The following SBF1 variants were observed in gnomAD, a reference collection of about 807,000 sequenced individuals.
The protein encoded by SBF1 is myotubularin-related protein 5.
Under a neutral mutation model 215.8 loss-of-function variants are expected in SBF1, and 65 were observed. The observed-to-expected ratio is 0.30, with a 90% CI of 0.25 to 0.37. SBF1 has a LOEUF of 0.37. Among genes scored for constraint, SBF1 ranks in the 10% least tolerant of loss-of-function variants. The probability of loss-of-function intolerance (pLI) is 1.00; values close to 1 mark genes in which losing one functional copy is unlikely to be tolerated. For missense variants in SBF1, 2,634 were observed against 2,667.8 expected, an observed-to-expected ratio of 0.99 and a Z score of 0.28; for synonymous variants, 1,410 against 1,122.8, an observed-to-expected ratio of 1.26 and a Z score of -5.11.
chr22:50,457,956 A>G (rs4824148), intron 28 of SBF1, among the ~76,000 whole-genome samples: 90,351 of 151,968 alleles, frequency 0.59, 27,148 homozygotes, highest in African/African-American at 0.62. Flanking sequence ...GTGAGGACGC[A>G]GCACCAGCCT....
chr22:50,448,704 C>A, intron 36 of SBF1, 54 bp from the exon 37 acceptor site: 5 of 1,396,476 alleles, frequency 3.6e-6, no homozygotes, highest in Non-Finnish European at 5.0e-6. Flanking sequence ...CAGACTAGAG[C>A]ACGAAAAGAC....
At chr22:50,468,269 G>A in intron 2 of SBF1, 107 bp downstream of exon 2, 1 of 1,097,590 alleles carries the variant, frequency 9.1e-7, no homozygotes, top group Non-Finnish European at 1.3e-6. Flanking sequence ...CCCTAGCCCA[G>A]CGGGGGGCCG....
intron 36 of SBF1, among the ~76,000 whole-genome samples, chr22:50,451,953 T>C (rs992460856): frequency 2.4e-4 from 36 of 152,008 alleles, no homozygotes; most frequent in Admixed American, 4.6e-4. Flanking sequence ...CCCGCCACCA[T>C]GCTCAGCTCA....
At position 50,447,080 on chromosome 22, in the gene SBF1, C is replaced by T; in HGVS notation, c.*62G>A. 6.8e-7 allele frequency: 1 copy of T among 1,474,272 alleles called. No individual in the cohort carries two copies. The highest frequency in any genetic ancestry group is 9.3e-7 in the Non-Finnish European group (1 of 1,076,206). 91.3% of individuals were successfully genotyped at this position (1,474,272 alleles called of 1,614,324 possible). The stretch of plus-strand genomic sequence containing the variant: ...GGGCTGTAAACATGGCCGGGGCGGC[C>T]CTGCCCACCCCTAGTGGTCGGTAAC... On this transcript the variant is annotated 3_prime_UTR_variant, in exon 41 of 41. Coordinates refer to ENST00000380817, the MANE Select transcript of SBF1 (RefSeq NM_002972.4).
chr22:50,450,019 G>T (rs574575943), intron 36 of SBF1, among the ~76,000 whole-genome samples: 92 of 152,356 alleles, frequency 6.0e-4, no homozygotes, highest in Non-Finnish European at 1.0e-3. Context: ...GCAACACACG[G>T]GAGCTTGCTG....
intron 36 of SBF1, among the ~76,000 whole-genome samples, chr22:50,452,723 CAAAAAAAAAAAAA>C (rs57951967): frequency 1.5e-4 from 6 of 39,536 alleles, no homozygotes; most frequent in Admixed American, 4.6e-4. Context: ...CTCCATCTCT[CAAAAAAAAAAAAA>C]AAAAAAAAAA....
At chr22:50,453,944 G>A (rs145139031) in intron 36 of SBF1, among the ~76,000 whole-genome samples, 1 of 151,892 alleles carries the variant, frequency 6.6e-6, no homozygotes, top group African/African-American at 2.4e-5. Flanking sequence ...CCACGCGCAG[G>A]ACACTGCCTC....
intron 24 of SBF1, 52 bp from the exon 25 acceptor site, chr22:50,460,460 C>G (rs1021519077): frequency 6.2e-7 from 1 of 1,604,302 alleles, no homozygotes; most frequent in African/African-American, 1.3e-5. Context: ...CAAAGATGAG[C>G]ACAGGGGCCT....
chr22:50,463,344 C>G lies in SBF1; in HGVS notation c.1838G>C (p.Arg613Pro). ...AAACTGCTGGTGGTCCAGGACCGCA[C>G]GGTTCTGCTGCACATGCAGGTGCAG... ...QELHLHVQQN[R>P]AVLDHQQFDF... The change falls in exon 16 of 41, where the codon CGT becomes CCT. Residue 613 changes from arginine to proline, a missense_variant. Transcript: ENST00000380817. 1 of 1,611,930 alleles carries G rather than the reference C, an allele frequency of 6.2e-7. No homozygotes were observed. Among genetic ancestry groups the G allele is most frequent in the Non-Finnish European group, 8.5e-7 (1 of 1,179,154 alleles).
chr22:50,461,373 C>G, intron 22 of SBF1, 87 bp from the exon 23 acceptor site: 1 of 1,524,054 alleles, frequency 6.6e-7, no homozygotes. Context: ...TATGGGGAAT[C>G]CCAAGTGGGT....
chr22:50,474,695 AGCCCCCG>A, intron 1 of SBF1, 84 bp downstream of exon 1: 1 of 564,656 alleles, frequency 1.8e-6, no homozygotes, highest in Non-Finnish European at 2.5e-6. Context: ...CTCGGCCCCC[AGCCCCCG>A]GCCCTCGACC....
At position 50,456,407 on chromosome 22, in the gene SBF1, C is replaced by A. The variant is rs749146822; in HGVS notation, c.4087-12G>T. ...TCTGACCGCACACCCTGAAAAGAATCCGGACAAGTCCCGTGAGACACATGA... is the reference window on the plus strand; with the variant it reads ...TCTGACCGCACACCCTGAAAAGAATACGGACAAGTCCCGTGAGACACATGA... On this transcript the variant is annotated splice_polypyrimidine_tract_variant and intron_variant, in intron 30 of 40. Coordinates refer to ENST00000380817, the MANE Select transcript of SBF1 (RefSeq NM_002972.4). 1 of 1,610,612 alleles carries A rather than the reference C, an allele frequency of 6.2e-7. No individual in the cohort carries two copies. The highest frequency in any genetic ancestry group is 1.1e-5 in the South Asian group (1 of 90,954).
Position 50,474,717 on chromosome 22 carries a change from G to A in SBF1, c.55+69C>T. The A allele has an allele frequency of 4.0e-6, 5 of 1,259,786 alleles. No homozygotes were observed. The South Asian group carries it at 5.4e-5, about 14-fold the overall frequency. 78.0% of individuals were successfully genotyped at this position (1,259,786 alleles called of 1,614,324 possible). On this transcript the variant is annotated intron_variant, in intron 1 of 40. Transcript: ENST00000380817. ...CCCAGCCCCCGGCCCTCGACCCTCA[G>A]ACCCAGCCCCTGGCCCTCAGCACTC...
intron 1 of SBF1, among the ~76,000 whole-genome samples, chr22:50,472,231 CCA>C (rs1268595380): frequency 6.6e-6 from 1 of 152,210 alleles, no homozygotes; most frequent in Non-Finnish European, 1.5e-5. Context: ...GGGCCCCTCC[CCA>C]CCTTTCCTGA....
chr22:50,467,701 T>TCG lies in SBF1; in HGVS notation c.280-12_280-11insCG. On this transcript the variant is annotated splice_polypyrimidine_tract_variant and intron_variant, in intron 3 of 40. Coordinates refer to ENST00000380817, the MANE Select transcript of SBF1 (RefSeq NM_002972.4). ...CACGCGCGTCGTTTCCTGCTGGGGG[T>TCG]CAGGGGGAGACGGGGGCAGGGGGAG... is the stretch of plus-strand genomic sequence containing the variant. 6.6e-7 allele frequency: 1 copy of TCG among 1,524,372 alleles called. No homozygotes were observed. Among genetic ancestry groups the TCG allele is most frequent in the Non-Finnish European group, 9.0e-7 (1 of 1,115,798 alleles). 94.4% of individuals were successfully genotyped at this position (1,524,372 alleles called of 1,614,324 possible).
chr22:50,457,941 TCA>T (rs1161448090), intron 28 of SBF1, among the ~76,000 whole-genome samples: 1 of 152,162 alleles, frequency 6.6e-6, no homozygotes, highest in Non-Finnish European at 1.5e-5. Flanking sequence ...GGCGCCCAGC[TCA>T]CAGTGAGGAC....
At chr22:50,467,222 G>A (rs2148604136) in intron 5 of SBF1, 116 bp downstream of exon 5, 2 of 819,128 alleles carry the variant, frequency 2.4e-6, no homozygotes, top group Non-Finnish European at 4.0e-6. Context: ...GAGGACGCAA[G>A]AGGGAGCATC....
chr22:50,460,188 AC>A, intron 25 of SBF1, 29 bp from the exon 26 acceptor site: 1 of 1,607,366 alleles, frequency 6.2e-7, no homozygotes, highest in Non-Finnish European at 8.5e-7. Flanking sequence ...CGTGGTCATC[AC>A]GGGGCCACTC....
At chr22:50,470,137 G>A (rs1423915604) in intron 1 of SBF1, among the ~76,000 whole-genome samples, 5 of 138,216 alleles carry the variant, frequency 3.6e-5, no homozygotes, top group East Asian at 4.5e-4. Flanking sequence ...CCCCCACCCC[G>A]CCCACTCCCC....
Sources: allele counts gnomAD v4.1 joint callset (sites outside exome capture counted in the v4.1 genomes callset), GRCh38; gene constraint gnomAD v4.1.1; transcripts MANE v1.5; gene names NCBI Gene and HGNC (gene_info 2026-07-23, HGNC 2026-07-21).